Variants in CDH18 observed in about 807,000 individuals in gnomAD.
CDH18 encodes the protein cadherin-18.
CDH18 carries 31 observed loss-of-function variants against 67.9 expected under a neutral mutation model. That is an observed-to-expected ratio of 0.46 (90% confidence interval 0.34 to 0.62). The LOEUF is 0.62. CDH18 is among the 20% of genes least tolerant of loss of function. The pLI, the probability that CDH18 is intolerant of heterozygous loss-of-function variation, is 0.01. For missense variants in CDH18, 890 were observed against 975.5 expected (o/e 0.91, Z 1.17); for synonymous variants, 362 against 347.2 (o/e 1.04, Z -0.48).
chr5:20,011,609 A>T (rs1561712000), intron 2 of CDH18, among the ~76,000 whole-genome samples: 1 of 152,036 alleles, frequency 6.6e-6, no homozygotes, highest in Non-Finnish European at 1.5e-5. Context: ...CATGGCTCTT[A>T]TTATTTTAAG....
At chr5:20,394,709 C>T (rs1745141676) in intron 1 of CDH18, among the ~76,000 whole-genome samples, 1 of 151,970 alleles carries the variant, frequency 6.6e-6, no homozygotes, top group Admixed American at 6.6e-5. Flanking sequence ...CATCCAGAAT[C>T]CACAAATAAC....
At chr5:20,258,554 T>C (rs1331110615) in intron 1 of CDH18, among the ~76,000 whole-genome samples, 1 of 152,192 alleles carries the variant, frequency 6.6e-6, no homozygotes, top group Admixed American at 6.6e-5. Flanking sequence ...TCTAACATGA[T>C]ATTGGATCAG....
chr5:20,015,938 T>C (rs904191268), intron 2 of CDH18, among the ~76,000 whole-genome samples: 5 of 152,136 alleles, frequency 3.3e-5, no homozygotes, highest in African/African-American at 9.7e-5. Context: ...GGGAAACATC[T>C]AAATTAAAAG....
chr5:19,726,335 T>C (rs1766839308), intron 4 of CDH18, among the ~76,000 whole-genome samples: 1 of 152,194 alleles, frequency 6.6e-6, no homozygotes, highest in African/African-American at 2.4e-5. Flanking sequence ...CATTAACAGC[T>C]ACATACATTT....
chr5:20,158,838 C>A, intron 2 of CDH18: 1 of 197,136 alleles, frequency 5.1e-6, no homozygotes, highest in South Asian at 1.2e-4. Flanking sequence ...ATGCCATAAT[C>A]ACAATCATCA....
chr5:19,594,758 A>T (rs1035823565), intron 6 of CDH18, among the ~76,000 whole-genome samples: 29 of 152,156 alleles, frequency 1.9e-4, no homozygotes, highest in Non-Finnish European at 3.4e-4. Context: ...TGTCATTTGG[A>T]TTTTGATAGG....
intron 2 of CDH18, among the ~76,000 whole-genome samples, chr5:20,080,077 T>A (rs1744318411): frequency 6.6e-6 from 1 of 152,114 alleles, no homozygotes; most frequent in African/African-American, 2.4e-5. Flanking sequence ...AACGCAAATA[T>A]TCAGTTCATA....
intron 2 of CDH18, among the ~76,000 whole-genome samples, chr5:20,241,905 T>TATATATATATATATATAA (rs369967608): frequency 1.1e-3 from 155 of 141,318 alleles, no homozygotes; most frequent in African/African-American, 3.7e-3. Context: ...TATATATATA[T>TATATATATATATATATAA]ATATTGCTTA....
intron 5 of CDH18, among the ~76,000 whole-genome samples, chr5:19,621,304 G>A (rs889008398): frequency 6.7e-6 from 1 of 149,942 alleles, no homozygotes; most frequent in Non-Finnish European, 1.5e-5. Context: ...TTCCTATGCC[G>A]TTTCATTCCC....
At chr5:20,307,345 T>A (rs1736559435) in intron 1 of CDH18, among the ~76,000 whole-genome samples, 1 of 152,056 alleles carries the variant, frequency 6.6e-6, no homozygotes, top group South Asian at 2.1e-4. Flanking sequence ...GCAGAGTAGA[T>A]GTGGGGAGAC....
At chr5:20,070,105 G>A (rs1187524589) in intron 2 of CDH18, among the ~76,000 whole-genome samples, 1 of 152,088 alleles carries the variant, frequency 6.6e-6, no homozygotes, top group African/African-American at 2.4e-5. Context: ...AACTACTGAT[G>A]TTTTTACTGT....
intron 2 of CDH18, among the ~76,000 whole-genome samples, chr5:19,843,821 A>C (rs1375863901): frequency 6.6e-6 from 1 of 152,222 alleles, no homozygotes; most frequent in Non-Finnish European, 1.5e-5. Context: ...TGAGACATGG[A>C]GTAAAAGGAA....
At chr5:20,212,798 G>A (rs1740455494) in intron 2 of CDH18, among the ~76,000 whole-genome samples, 1 of 152,020 alleles carries the variant, frequency 6.6e-6, no homozygotes, top group Non-Finnish European at 1.5e-5. Context: ...TTTGCTGGTA[G>A]AGGGTCTTGC....
At chr5:19,827,474 A>C (rs1780528578) in intron 3 of CDH18, among the ~76,000 whole-genome samples, 2 of 152,126 alleles carry the variant, frequency 1.3e-5, no homozygotes, top group African/African-American at 2.4e-5. Flanking sequence ...CTGTAAAATC[A>C]CCCACACAAT....
intron 2 of CDH18, among the ~76,000 whole-genome samples, chr5:20,085,406 C>A (rs886728477): frequency 1.3e-5 from 2 of 152,106 alleles, no homozygotes; most frequent in Non-Finnish European, 2.9e-5. Context: ...CTAGGAAATT[C>A]CAAAATTTCC....
chr5:19,902,149 C>T (rs1790009472), intron 2 of CDH18, among the ~76,000 whole-genome samples: 1 of 152,058 alleles, frequency 6.6e-6, no homozygotes. Flanking sequence ...TTACATGTGA[C>T]AAAACATATA....
intron 2 of CDH18, among the ~76,000 whole-genome samples, chr5:20,070,280 A>G (rs1580170918): frequency 6.7e-6 from 1 of 148,490 alleles, no homozygotes; most frequent in African/African-American, 2.4e-5. Context: ...ATCACTGTTT[A>G]TTTATTTGTT....
rs1166254040 is a variant in CDH18, at chr5:19,994,701, GTATATATATATATA to G, written c.-517-2701_-517-2688del. Among the ~76,000 whole-genome samples the G allele has an allele frequency of 3.4e-3, 76 of 22,462 alleles. 1 individual carries two copies. The highest frequency in any genetic ancestry group is 0.014 in the South Asian group (5 of 362). 14.7% of individuals were successfully genotyped at this position (22,462 alleles called of 152,430 possible). A position where few individuals can be genotyped will look rare whatever the true frequency, so the allele number is the denominator to read the frequency against. On this transcript the variant is annotated intron_variant, in intron 2 of 14. Coordinates refer to the CDH18 transcript ENST00000507958. The stretch of plus-strand genomic sequence containing the variant: ...CCAAGTCAAATGCTAACCTCTTCCA[GTATATATATATATA>G]TATATATATATATATATATATATAG...
chr5:20,276,530 G>C (rs1451118708), intron 1 of CDH18, among the ~76,000 whole-genome samples: 1 of 152,164 alleles, frequency 6.6e-6, no homozygotes, highest in Non-Finnish European at 1.5e-5. Flanking sequence ...TGAATAGTCA[G>C]AATCAACAGC....
Sources: gnomAD v4.1 joint callset for allele counts (sites outside exome capture counted in the v4.1 genomes callset) on GRCh38, gnomAD v4.1.1 for gene constraint, MANE v1.5 for transcripts, NCBI Gene and HGNC (gene_info 2026-07-23, HGNC 2026-07-21) for gene names.